The following DCK variants were observed in gnomAD, a reference collection of about 807,000 sequenced individuals.
The protein encoded by DCK is deoxycytidine kinase.
In DCK, 23 loss-of-function variants were observed where a neutral mutation model predicts 38.3. The observed-to-expected ratio is 0.60, with a 90% CI of 0.43 to 0.85. DCK has a LOEUF of 0.85. Among genes scored for constraint, DCK ranks in the 40% least tolerant of loss-of-function variants. The pLI is 0.00. For missense variants in DCK, 259 were observed against 304.4 expected (o/e 0.85, Z 1.11); for synonymous variants, 108 against 100.6 (o/e 1.07, Z -0.44).
intron 6 of DCK, among the ~76,000 whole-genome samples, chr4:71,029,017 A>G (rs910298063): frequency 6.6e-6 from 1 of 152,078 alleles, no homozygotes; most frequent in Admixed American, 6.5e-5. Context: ...TCGGCCTCCC[A>G]AAGTGCTGGG....
chr4:70,998,957 A>C (rs1739723727), intron 2 of DCK, among the ~76,000 whole-genome samples: 1 of 152,064 alleles, frequency 6.6e-6, no homozygotes, highest in African/African-American at 2.4e-5. Context: ...AAATTTATCA[A>C]ACTATGCATT....
Position 71,023,712 on chromosome 4 carries a change from A to G in DCK, c.549+6A>G. ...ATCTTCAAGCCACTCCAGAGGTAAA[A>G]CCCAATAAAAATGTGTTTCACTGAA... On this transcript the variant is annotated splice_donor_region_variant and intron_variant, in intron 4 of 6. Coordinates refer to ENST00000286648, the MANE Select transcript of DCK (RefSeq NM_000788.3). 6.3e-7 allele frequency: 1 copy of G among 1,599,000 alleles called. No homozygotes were observed. The highest frequency in any genetic ancestry group is 8.5e-7 in the Non-Finnish European group (1 of 1,175,638).
chr4:71,018,419 C>T (rs1288333141), intron 2 of DCK, among the ~76,000 whole-genome samples: 5 of 152,012 alleles, frequency 3.3e-5, no homozygotes, highest in Non-Finnish European at 7.4e-5. Flanking sequence ...TGAGCCACTG[C>T]GCCCGGCCTA....
intron 2 of DCK, among the ~76,000 whole-genome samples, chr4:71,018,969 G>T (rs1360925967): frequency 6.6e-6 from 1 of 152,018 alleles, no homozygotes; most frequent in African/African-American, 2.4e-5. Context: ...GCCTCACCTG[G>T]CTGGATAAAT....
rs139749375 is a variant in DCK, at chr4:71,027,206, A to G, written c.756+451A>G. ...TTTATCTTTTTCAACTAAATTCAAT[A>G]TGGAGGATATTTAAAGTTACAGGAT... On this transcript the variant is annotated intron_variant, in intron 6 of 6. Coordinates refer to ENST00000286648, the MANE Select transcript of DCK (RefSeq NM_000788.3). Among the ~76,000 whole-genome samples the G allele has an allele frequency of 4.9e-3, 742 of 152,220 alleles. 11 individuals carry two copies. Among genetic ancestry groups the G allele is most frequent in the African/African-American group, 0.017 (716 of 41,560 alleles).
intron 2 of DCK, among the ~76,000 whole-genome samples, chr4:71,017,608 G>A (rs1740303600): frequency 1.3e-5 from 2 of 151,986 alleles, no homozygotes; most frequent in Non-Finnish European, 2.9e-5. Context: ...CATAAAAAAG[G>A]ATGAGTTAAT....
chr4:71,003,253 ATTCTT>A (rs886618759), intron 2 of DCK, among the ~76,000 whole-genome samples: 6 of 152,138 alleles, frequency 3.9e-5, no homozygotes, highest in Non-Finnish European at 7.4e-5. Context: ...TGGGTTGAAA[ATTCTT>A]TTCTTTAAGA....
intron 2 of DCK, among the ~76,000 whole-genome samples, chr4:71,017,178 A>C (rs1740293762): frequency 6.6e-6 from 1 of 152,236 alleles, no homozygotes; most frequent in African/African-American, 2.4e-5. Context: ...CACATGAAAA[A>C]ATGCTCATCA....
rs1739699868 is a variant in DCK at position 70,998,059 on chromosome 4, C to T, written c.92-8C>T. On this transcript the variant is annotated splice_polypyrimidine_tract_variant and splice_region_variant and intron_variant, in intron 1 of 6. Coordinates refer to ENST00000286648, the MANE Select transcript of DCK (RefSeq NM_000788.3). ...TTTCTTCCTCAATTTTATCTTTCCT[C>T]ACAACAGCTGCAGGGAAGTCAACAT... The T allele has an allele frequency of 2.1e-6, 3 of 1,453,042 alleles. No individual in the cohort carries two copies. Among genetic ancestry groups the T allele is most frequent in the Non-Finnish European group, 2.8e-6 (3 of 1,055,072 alleles). The allele number at this position is 1,453,042 out of a possible 1,614,324, so 90.0% of individuals were successfully genotyped here.
Position 71,029,388 on chromosome 4 carries a change from A to G in DCK, c.*10A>G. The G allele has an allele frequency of 6.2e-7, 1 of 1,605,350 alleles. No individual in the cohort carries two copies. Among genetic ancestry groups the G allele is most frequent in the South Asian group, 1.1e-5 (1 of 90,494 alleles). On this transcript the variant is annotated 3_prime_UTR_variant, in exon 7 of 7. Transcript: ENST00000286648. ...TTTGAGTACTTTGTGATCTTGCTGA[A>G]GACTACAGGCAGCCAAATGGTTCCA... is the stretch of plus-strand genomic sequence containing the variant.
At position 71,023,675 on chromosome 4, in the gene DCK, A is replaced by G; in HGVS notation, c.518A>G (p.Asp173Gly). The G allele has an allele frequency of 6.2e-7, 1 of 1,612,644 alleles. No individual in the cohort carries two copies. The highest frequency in any genetic ancestry group is 8.5e-7 in the Non-Finnish European group (1 of 1,179,472). ...CAATTTGGCCAAAGCCTTGAATTGG[A>G]TGGAATCATTTATCTTCAAGCCACT... ...NNQFGQSLEL[D>G]GIIYLQATPE... Residue 173 changes from aspartate to glycine, a missense_variant, in exon 4 of 7, where the codon GAT (aspartate) becomes GGT (glycine). Physicochemically the swap from Asp to Gly is moderately conservative, Grantham distance 94. Coordinates refer to ENST00000286648, the MANE Select transcript of DCK (RefSeq NM_000788.3).
At chr4:70,994,856 C>T (rs1474311972) in intron 1 of DCK, among the ~76,000 whole-genome samples, 2 of 152,164 alleles carry the variant, frequency 1.3e-5, no homozygotes, top group Non-Finnish European at 2.9e-5. Flanking sequence ...CTAGGCCATG[C>T]CTGTCACTTT....
intron 2 of DCK, among the ~76,000 whole-genome samples, chr4:71,007,240 C>T (rs1739967737): frequency 6.6e-6 from 1 of 152,092 alleles, no homozygotes; most frequent in Admixed American, 6.6e-5. Flanking sequence ...GGTTAGTCTA[C>T]AGTAGAATTT....
intron 1 of DCK, among the ~76,000 whole-genome samples, chr4:70,994,948 T>G (rs1322572769): frequency 6.6e-6 from 1 of 152,210 alleles, no homozygotes; most frequent in Non-Finnish European, 1.5e-5. Flanking sequence ...TTTGATAGAT[T>G]TAAAAAAAAA....
At chr4:71,023,172 TAAA>T (rs554907762) in intron 3 of DCK, among the ~76,000 whole-genome samples, 71 of 152,360 alleles carry the variant, frequency 4.7e-4, no homozygotes, top group South Asian at 2.5e-3. Context: ...TTTTCTAAAA[TAAA>T]AAGTAGCTAG....
intron 3 of DCK, 35 bp downstream of exon 3, chr4:71,022,595 G>T: frequency 1.8e-5 from 21 of 1,167,888 alleles, no homozygotes; most frequent in South Asian, 5.6e-5. Context: ...GCCATTTGAA[G>T]TTTTTATCTT....
rs373534024 is a variant in DCK, at chr4:71,004,213, C to A, written c.207+6031C>A. 8.0e-4 allele frequency among the ~76,000 whole-genome samples: 122 copies of A among 152,278 alleles called. 2 individuals are homozygous for A. The highest frequency in any genetic ancestry group is 2.8e-3 in the African/African-American group (117 of 41,556). On this transcript the variant is annotated intron_variant, in intron 2 of 6. Transcript: ENST00000286648. ...GTTAGTTTCCTTCTAACAGTCAGGC[C>A]CCTCTGCTGCAAGTCTGCTGGAGTT...
At chr4:71,028,245 A>G (rs545282240) in intron 6 of DCK, among the ~76,000 whole-genome samples, 1 of 152,364 alleles carries the variant, frequency 6.6e-6, no homozygotes, top group South Asian at 2.1e-4. Flanking sequence ...GTGGTCTATG[A>G]TATTTAAATG....
chr4:70,995,773 T>G (rs547282968), intron 1 of DCK, among the ~76,000 whole-genome samples: 2 of 152,286 alleles, frequency 1.3e-5, no homozygotes, highest in East Asian at 3.8e-4. Flanking sequence ...TTCTCTTAAC[T>G]ACTTCTGCAA....
Sources: allele counts gnomAD v4.1 joint callset (sites outside exome capture counted in the v4.1 genomes callset), GRCh38; gene constraint gnomAD v4.1.1; transcripts MANE v1.5; gene names NCBI Gene and HGNC (gene_info 2026-07-23, HGNC 2026-07-21).